The following RMP64 variants were observed in gnomAD, a reference collection of about 807,000 sequenced individuals.
RMP64 encodes the protein nucleolus and neural progenitor protein.
At chr3:113,013,248 A>G in the RMP64 span, 5 of 1,608,538 alleles carry the variant, frequency 3.1e-6, no homozygotes, top group Admixed American at 3.4e-5. Flanking sequence ...AAAAGAAGGT[A>G]TATTTCAAGA....
the RMP64 span, among the ~76,000 whole-genome samples, chr3:113,007,715 A>G: frequency 6.6e-6 from 1 of 152,222 alleles, no homozygotes; most frequent in African/African-American, 2.4e-5. Context: ...GCAACAGTAC[A>G]ACACCCCAGC....
the RMP64 span, chr3:113,017,460 C>G: frequency 1.9e-6 from 3 of 1,613,572 alleles, no homozygotes; most frequent in Admixed American, 5.0e-5. Flanking sequence ...GTTTGAGGGC[C>G]AAATGGGGTT....
chr3:113,017,152 G>C, the RMP64 span, among the ~76,000 whole-genome samples: 1 of 152,140 alleles, frequency 6.6e-6, no homozygotes, highest in Non-Finnish European at 1.5e-5. Context: ...GCTGGGCAAA[G>C]GCACTGTTGT....
chr3:113,014,230 A>C, the RMP64 span: 1 of 477,492 alleles, frequency 2.1e-6, no homozygotes, highest in Non-Finnish European at 3.8e-6. Context: ...GAATTTATCC[A>C]GCCAAACACA....
At chr3:113,003,611 C>T in the RMP64 span, 1 of 152,216 alleles carries the variant, frequency 6.6e-6, no homozygotes, top group Non-Finnish European at 1.5e-5. Context: ...GATGAAGATA[C>T]TCCAAAAGAA....
chr3:113,005,771 G>A, the RMP64 span: 15 of 1,613,416 alleles, frequency 9.3e-6, no homozygotes, highest in Admixed American at 1.7e-5. Context: ...AGTACAGTGT[G>A]AGAGTCTCCA....
chr3:113,010,528 G>T, the RMP64 span: 1 of 778,116 alleles, frequency 1.3e-6, no homozygotes, highest in African/African-American at 1.8e-5. Flanking sequence ...AACTAAGAAG[G>T]CACTAAGCTT....
At chr3:113,006,653 T>A in the RMP64 span, among the ~76,000 whole-genome samples, 1 of 152,228 alleles carries the variant, frequency 6.6e-6, no homozygotes, top group African/African-American at 2.4e-5. Context: ...ATTGTTTCAC[T>A]GTTTGTGATA....
At chr3:113,005,396 C>T in the RMP64 span, 8 of 618,262 alleles carry the variant, frequency 1.3e-5, no homozygotes, top group Non-Finnish European at 2.3e-5. Flanking sequence ...GTAGACTGAA[C>T]TGAAATGAAC....
the RMP64 span, chr3:113,013,841 G>C: frequency 3.8e-6 from 3 of 782,436 alleles, no homozygotes; most frequent in South Asian, 4.7e-5. Context: ...TTATACAGCT[G>C]AGGTATAATT....
the RMP64 span, chr3:113,005,091 G>A: frequency 1.1e-5 from 2 of 175,580 alleles, no homozygotes; most frequent in Admixed American, 1.1e-4. Context: ...TTCAGAGGCG[G>A]ACCTATGTAT....
chr3:113,013,053 C>T, the RMP64 span: 1 of 623,044 alleles, frequency 1.6e-6, no homozygotes, highest in Non-Finnish European at 2.8e-6. Flanking sequence ...TTCTAGCTAT[C>T]AATGCTCTTA....
the RMP64 span, chr3:113,006,037 TTAAGA>T: frequency 2.1e-6 from 3 of 1,454,416 alleles, no homozygotes; most frequent in Non-Finnish European, 2.8e-6. Context: ...AAATCTGGGC[TTAAGA>T]TGAGAAAAAC....
At chr3:113,012,332 T>C in the RMP64 span, among the ~76,000 whole-genome samples, 1 of 152,200 alleles carries the variant, frequency 6.6e-6, no homozygotes, top group African/African-American at 2.4e-5. Context: ...ATTAGCATCA[T>C]TTTAAACGGC....
the RMP64 span, chr3:113,014,126 A>C: frequency 1.3e-6 from 1 of 788,098 alleles, no homozygotes; most frequent in Non-Finnish European, 2.2e-6. Flanking sequence ...AGATTTTCAA[A>C]GTATGGAAAT....
chr3:113,007,609 C>T, the RMP64 span, among the ~76,000 whole-genome samples: 4 of 152,148 alleles, frequency 2.6e-5, no homozygotes, highest in Non-Finnish European at 5.9e-5. Context: ...AATACTGGTT[C>T]ACAAGCAAAG....
the RMP64 span, chr3:113,008,493 A>G: frequency 2.2e-6 from 3 of 1,386,780 alleles, no homozygotes; most frequent in Non-Finnish European, 3.0e-6. Flanking sequence ...TTATATGACA[A>G]CAAGGAAAGC....
chr3:113,013,483 A>C, the RMP64 span: 3 of 1,213,016 alleles, frequency 2.5e-6, no homozygotes, highest in Non-Finnish European at 3.5e-6. Flanking sequence ...TTTTACATTT[A>C]CCAGTTTATT....
the RMP64 span, chr3:113,019,475 T>G: frequency 1.5e-6 from 2 of 1,357,712 alleles, no homozygotes; most frequent in South Asian, 1.2e-5. Flanking sequence ...CCCGCCCACA[T>G]GCGCCGGCTG....
Sources: gnomAD v4.1 joint callset for allele counts (sites outside exome capture counted in the v4.1 genomes callset) on GRCh38, gnomAD v4.1.1 for gene constraint, MANE v1.5 for transcripts, NCBI Gene and HGNC (gene_info 2026-07-23, HGNC 2026-07-21) for gene names.